NEK2: variants seen among roughly 807,000 people sequenced by gnomAD.
The protein encoded by NEK2 is NIMA related kinase 2.
NEK2 carries 28 observed loss-of-function variants against 54.1 expected under a neutral mutation model. The ratio of observed to expected loss-of-function variants is 0.52; its 90% CI spans 0.38 to 0.71. The LOEUF is 0.71. Ranked by LOEUF, NEK2 falls within the 30% of genes least tolerant of loss-of-function variation. NEK2 has a pLI of 0.00. For synonymous variants in NEK2, 176 were observed against 193.1 expected (o/e 0.91, Z 0.73); for missense variants, 407 against 531.5 (o/e 0.77, Z 2.30).
At chr1:211,671,346 T>C in intron 3 of NEK2, 62 bp from the exon 4 acceptor site, 1 of 1,192,942 alleles carries the variant, frequency 8.4e-7, no homozygotes, top group Non-Finnish European at 1.2e-6. Context: ...TTTTGAAACT[T>C]AAAAAACACA....
chr1:211,670,238 C>A (rs1350962473), intron 5 of NEK2, 43 bp downstream of exon 5: 1 of 1,571,604 alleles, frequency 6.4e-7, no homozygotes, highest in South Asian at 1.2e-5. Flanking sequence ...TGACACTTAA[C>A]TGACAGCTAG....
rs761181643 is a variant in NEK2 at position 211,669,095 on chromosome 1, AC to A, written c.985+17del. ...CACTTGGTAGTTCTCCTTTGCTTTG[AC>A]CCCCATTCAGACTTACGCTCCAATC... On this transcript the variant is annotated intron_variant, in intron 6 of 7. Coordinates refer to ENST00000366999, the MANE Select transcript of NEK2 (RefSeq NM_002497.4). The A allele has an allele frequency of 4.4e-6, 7 of 1,607,836 alleles. No homozygotes were observed. The Admixed American group carries it at 8.4e-5, about 19-fold the overall frequency.
rs573054173 is a variant in NEK2 at position 211,670,208 on chromosome 1, A to C, written c.765+73T>G. Reference sequence around the variant, plus strand: ...ACGTTTCTTCAGTCTCCATTGATCTACAAGAGAGAATGTATGCTCTGACAC... The same window carrying C: ...ACGTTTCTTCAGTCTCCATTGATCTCCAAGAGAGAATGTATGCTCTGACAC... On this transcript the variant is annotated intron_variant, in intron 5 of 7. Coordinates refer to ENST00000366999, the MANE Select transcript of NEK2 (RefSeq NM_002497.4). 1.3e-5 allele frequency: 19 copies of C among 1,413,592 alleles called. No individual in the cohort carries two copies. The South Asian group carries it at 2.2e-4, about 17-fold the overall frequency. 87.6% of individuals were successfully genotyped at this position (1,413,592 alleles called of 1,614,324 possible). A position where few individuals can be genotyped will look rare whatever the true frequency, so the allele number is the denominator to read the frequency against.
chr1:211,665,605 A>AT (rs1439753965), intron 7 of NEK2, among the ~76,000 whole-genome samples: 5 of 152,164 alleles, frequency 3.3e-5, no homozygotes, highest in African/African-American at 1.2e-4. Flanking sequence ...ATTTAAGTCT[A>AT]TTTTGTCTTT....
intron 2 of NEK2, 23 bp from the exon 3 acceptor site, chr1:211,673,746 G>C: frequency 6.2e-7 from 1 of 1,601,554 alleles, no homozygotes. Flanking sequence ...CAGTTATACA[G>C]CATATAACTT....
At chr1:211,662,455 G>A (rs1655040270), downstream of NEK2, among the ~76,000 whole-genome samples, 1 of 152,174 alleles carries the variant, frequency 6.6e-6, no homozygotes, top group South Asian at 2.1e-4. This position sits in a 1 kb window ranked among gnomAD's most constrained non-coding sequence, Gnocchi z 4.2. Context: ...GCTGTCCTGT[G>A]CATTGTAAAA....
In NEK2 at chr1:211,663,048, T is replaced by C. The variant is rs775210272; in HGVS notation, c.*378A>G. The stretch of plus-strand genomic sequence containing the variant: ...AATCTAGACATGACAATTGTAAGCA[T>C]ACCACTCAGTCATTTAAAACTATTC... On this transcript the variant is annotated 3_prime_UTR_variant, in exon 8 of 8. Coordinates refer to ENST00000366999, the MANE Select transcript of NEK2 (RefSeq NM_002497.4). 9.9e-7 allele frequency: 1 copy of C among 1,005,678 alleles called. No individual in the cohort carries two copies. The highest frequency in any genetic ancestry group is 1.2e-6 in the Non-Finnish European group (1 of 841,478). 62.3% of individuals were successfully genotyped at this position (1,005,678 alleles called of 1,614,324 possible). A position where few individuals can be genotyped will look rare whatever the true frequency, so the allele number is the denominator to read the frequency against.
Position 211,673,692 on chromosome 1 carries a change from C to G in NEK2, c.346G>C (p.Val116Leu). ...AGGGCCAGAGTCAACTGAGTCATCA[C>G]TCGAAGAACAAACTCTTCATCTAAG... ...QYLDEEFVLR[V>L]MTQLTLALKE... is the part of the protein sequence containing the mutation. Residue 116 changes from valine (V) to leucine (L), a missense_variant, in exon 3 of 8, where the codon GTG becomes CTG. Physicochemically the swap from Val to Leu is conservative, Grantham distance 32. Transcript: ENST00000366999. The G allele has an allele frequency of 1.2e-6, 2 of 1,614,156 alleles. No homozygotes were observed. The highest frequency in any genetic ancestry group is 1.7e-6 in the Non-Finnish European group (2 of 1,180,024).
chr1:211,673,750 A>G, intron 2 of NEK2, 27 bp from the exon 3 acceptor site: 1 of 1,602,416 alleles, frequency 6.2e-7, no homozygotes, highest in Non-Finnish European at 8.5e-7. Context: ...TATACAGCAT[A>G]TAACTTCTAA....
chr1:211,661,024 T>C, downstream of NEK2: 1 of 740,246 alleles, frequency 1.4e-6, no homozygotes, highest in South Asian at 1.4e-5. Flanking sequence ...ATCAGCATCC[T>C]GTTTCCTTGG....
chr1:211,675,315 G>A, intron 1 of NEK2, 69 bp downstream of exon 1: 2 of 1,412,896 alleles, frequency 1.4e-6, no homozygotes, highest in Admixed American at 3.5e-5. Flanking sequence ...CCCTTCGGTG[G>A]CGCAGGGCGC....
At position 211,667,238 on chromosome 1, in the gene NEK2, A is replaced by G; in HGVS notation, c.986-7T>C. 1 of 1,575,722 alleles carries G rather than the reference A, an allele frequency of 6.3e-7. No homozygotes were observed. On this transcript the variant is annotated splice_polypyrimidine_tract_variant and splice_region_variant and intron_variant, in intron 6 of 7. Coordinates refer to ENST00000366999, the MANE Select transcript of NEK2 (RefSeq NM_002497.4). Reference sequence around the variant, plus strand: ...CAAAGCTCCTGTTCTTTCTCTTTAAAAAGAGAATGGACAAAGAAAAAAAAA... The same window carrying G: ...CAAAGCTCCTGTTCTTTCTCTTTAAGAAGAGAATGGACAAAGAAAAAAAAA...
At chr1:211,664,211 G>A (rs79617166) in intron 7 of NEK2, among the ~76,000 whole-genome samples, 3,508 of 151,972 alleles carry the variant, frequency 0.023, 125 homozygotes, top group African/African-American at 0.078. Flanking sequence ...AGTAAGAGTA[G>A]TAAAAACTGT....
In NEK2 at chr1:211,669,291, A is replaced by G. The variant is rs1487136685; in HGVS notation, c.807T>C (p.Pro269=). The G allele has an allele frequency of 2.5e-6, 4 of 1,614,168 alleles. No homozygotes were observed. In the South Asian group the frequency reaches 3.3e-5, roughly 13 times the overall value. ...CGTCTGCAACCAAATCTGCTATTAA[A>G]GGGTTCTCAAGAATTTCTTCAACAG... ...RPSVEEILEN[P]LIADLVADEQ... is the part of the protein sequence containing the mutation. Residue 269 remains proline, a synonymous_variant, in exon 6 of 8, where the codon CCT becomes CCC. Transcript: ENST00000366999.
chr1:211,671,140 C>T lies in NEK2; in HGVS notation c.638+62G>A, dbSNP rs1655373827. The T allele has an allele frequency of 3.0e-6, 4 of 1,338,416 alleles. No homozygotes were observed. The African/African-American group carries it at 4.3e-5, about 14-fold the overall frequency. 82.9% of individuals were successfully genotyped at this position (1,338,416 alleles called of 1,614,324 possible). ...TAGCACAGAGGCTCAAAAAACTGAA[C>T]CCAGTGAAATGTGACAAACAGTACA... On this transcript the variant is annotated intron_variant, in intron 4 of 7. Transcript: ENST00000366999.
At chr1:211,671,899 G>A (rs1036063038) in intron 3 of NEK2, among the ~76,000 whole-genome samples, 1 of 152,182 alleles carries the variant, frequency 6.6e-6, no homozygotes, top group African/African-American at 2.4e-5. Flanking sequence ...AGTGCCTTAG[G>A]AAAGCTGAAC....
Position 211,671,199 on chromosome 1 carries a change from T to C in NEK2, c.638+3A>G. 2 of 1,606,306 alleles carry C rather than the reference T, an allele frequency of 1.2e-6. No homozygotes were observed. Among genetic ancestry groups the C allele is most frequent in the Non-Finnish European group, 1.7e-6 (2 of 1,173,324 alleles). On this transcript the variant is annotated splice_donor_region_variant and intron_variant, in intron 4 of 7. Transcript: ENST00000366999. ...ACTAGGAATCTGTCTTCATCATACT[T>C]ACATTAATGCACATAACTCATACAG...
downstream of NEK2, among the ~76,000 whole-genome samples, chr1:211,659,088 A>G (rs1235178003): frequency 2.6e-5 from 4 of 152,224 alleles, no homozygotes; most frequent in African/African-American, 9.6e-5. Context: ...CAAATTTGCA[A>G]AAAAACAGAA....
Position 211,667,178 on chromosome 1 carries a change from T to C in NEK2, c.1039A>G (p.Arg347Gly), listed in dbSNP as rs1428343239. 1 of 1,613,742 alleles carries C rather than the reference T, an allele frequency of 6.2e-7. No individual in the cohort carries two copies. The highest frequency in any genetic ancestry group is 1.1e-5 in the South Asian group (1 of 91,026). The change falls in exon 7 of 8, where the codon AGA becomes GGA. Residue 347 changes from arginine to glycine, a missense_variant. By Grantham distance (125) the Arg-to-Gly change is moderately radical. Coordinates refer to ENST00000366999, the MANE Select transcript of NEK2 (RefSeq NM_002497.4). ...TAGTTCTTCAACAGATTTTCTGCTC[T>C]AGCCAGTTTGTCCTCTGCTAGTCTC... ...RERLAEDKLA[R>G]AENLLKNYSL...
Sources: gnomAD v4.1 joint callset for allele counts (sites outside exome capture counted in the v4.1 genomes callset) on GRCh38, gnomAD v4.1.1 for gene constraint, Gnocchi (gnomAD v3.1) non-coding constraint, MANE v1.5 for transcripts, NCBI Gene and HGNC (gene_info 2026-07-23, HGNC 2026-07-21) for gene names.